C9orf78: variants seen among roughly 807,000 people sequenced by gnomAD.
The protein encoded by C9orf78 is chromosome 9 open reading frame 78.
Under a neutral mutation model 37.4 loss-of-function variants are expected in C9orf78, and 19 were observed. The ratio of observed to expected loss-of-function variants is 0.51; its 90% CI spans 0.35 to 0.74. The LOEUF (loss-of-function observed/expected upper bound fraction) is 0.74, where lower values mean the gene tolerates loss of function less well. Ranked by LOEUF, C9orf78 falls within the 30% of genes least tolerant of loss-of-function variation. The pLI, the probability that C9orf78 is intolerant of heterozygous loss-of-function variation, is 0.01. For missense variants in C9orf78, 291 were observed against 370.8 expected, an observed-to-expected ratio of 0.78 and a Z score of 1.77; for synonymous variants, 130 against 128.0, an observed-to-expected ratio of 1.02 and a Z score of -0.10.
At chr9:129,833,339 T>C (rs1428647208) in intron 4 of C9orf78, 108 bp downstream of exon 4, 1 of 704,038 alleles carries the variant, frequency 1.4e-6, no homozygotes, top group Non-Finnish European at 2.6e-6. Context: ...AAAACCTGCT[T>C]CAAGATGTCC....
At chr9:129,834,152 T>G (rs573289457) in intron 2 of C9orf78, 1 of 192,878 alleles carries the variant, frequency 5.2e-6, no homozygotes, top group African/African-American at 2.4e-5. Flanking sequence ...ATGCAGCCAT[T>G]AAGGCTTTCT....
intron 8 of C9orf78, chr9:129,828,770 A>G: frequency 3.6e-6 from 1 of 275,190 alleles, no homozygotes; most frequent in South Asian, 3.7e-5. Flanking sequence ...TCACTCTGTC[A>G]CGCAGGCTAG....
At chr9:129,833,558 C>T (rs769637446) in intron 3 of C9orf78, 41 bp from the exon 4 acceptor site, 8 of 1,511,334 alleles carry the variant, frequency 5.3e-6, no homozygotes, top group East Asian at 2.3e-5. Flanking sequence ...CATCTAAATA[C>T]ATGGTAGTGG....
Position 129,834,694 on chromosome 9 carries a change from G to A in C9orf78, c.143+13C>T, listed in dbSNP as rs762962586. On this transcript the variant is annotated intron_variant, in intron 2 of 8. Transcript: ENST00000372447. ...TCCCCGCCGCCTCCTCCTCCTCCCC[G>A]CGTGGTACCCACCTCACCCCGTTGG... 6.2e-7 allele frequency: 1 copy of A among 1,601,012 alleles called. No individual in the cohort carries two copies. Among genetic ancestry groups the A allele is most frequent in the Non-Finnish European group, 8.6e-7 (1 of 1,169,546 alleles).
In C9orf78 at chr9:129,835,261, G is replaced by A. The variant is rs775892516; in HGVS notation, c.-40C>T. The A allele has an allele frequency of 1.3e-6, 2 of 1,488,042 alleles. No homozygotes were observed. Among genetic ancestry groups the A allele is most frequent in the Non-Finnish European group, 1.9e-6 (2 of 1,080,200 alleles). The allele number at this position is 1,488,042 out of a possible 1,614,324, so 92.2% of individuals were successfully genotyped here. A position where few individuals can be genotyped will look rare whatever the true frequency, so the allele number is the denominator to read the frequency against. On this transcript the variant is annotated 5_prime_UTR_variant, in exon 1 of 9. Transcript: ENST00000372447. The stretch of plus-strand genomic sequence containing the variant: ...AGTTGTACAGCCGCCGCGCCTCTGC[G>A]CAGCGGCCCAGGCTGCTTCCGGCGC...
chr9:129,833,846 C>A, intron 2 of C9orf78, 137 bp from the exon 3 acceptor site: 1 of 653,006 alleles, frequency 1.5e-6, no homozygotes, highest in Non-Finnish European at 2.7e-6. Context: ...GGCAAGCCGG[C>A]TGGAAAAGCC....
chr9:129,829,043 T>C, intron 8 of C9orf78, 162 bp downstream of exon 8: 1 of 700,358 alleles, frequency 1.4e-6, no homozygotes, highest in South Asian at 1.5e-5. Flanking sequence ...AACTGAGGCT[T>C]AGAAAGGGGA....
Position 129,828,248 on chromosome 9 carries a change from G to C in C9orf78, c.783C>G (p.Ser261=). The C allele has an allele frequency of 6.3e-7, 1 of 1,590,860 alleles. No individual in the cohort carries two copies. Among genetic ancestry groups the C allele is most frequent in the Non-Finnish European group, 8.6e-7 (1 of 1,160,190 alleles). The change falls in exon 9 of 9, where the codon TCC becomes TCG. Residue 261 remains serine, a synonymous_variant. Coordinates refer to ENST00000372447, the MANE Select transcript of C9orf78 (RefSeq NM_016520.3). ...GDTEKPEPER[S]PPNRKRPANE... The stretch of plus-strand genomic sequence containing the variant: ...TAGCAGGACGCTTGCGGTTAGGAGG[G>C]GACCCTGAGAAGGAAAAGAACAGGA...
chr9:129,834,864 G>T, intron 1 of C9orf78, 98 bp from the exon 2 acceptor site: 2 of 957,454 alleles, frequency 2.1e-6, no homozygotes, highest in Non-Finnish European at 3.3e-6. Flanking sequence ...GGGCATCCCA[G>T]CCCAGCTACT....
Position 129,833,500 on chromosome 9 carries a change from C to T in C9orf78, c.213G>A (p.Met71Ile), listed in dbSNP as rs528540088. 1.8e-5 allele frequency: 29 copies of T among 1,604,006 alleles called. No homozygotes were observed. In the African/African-American group the frequency reaches 3.9e-4, roughly 21 times the overall value. Reference protein sequence around the residue: ...ETTLVDDPFQMKTGGMVDMKK... With the variant: ...ETTLVDDPFQIKTGGMVDMKK... Reference sequence around the variant, plus strand: ...TCATATCCACCATACCACCTGTCTTCATCTGAAAGGGATCATCCTGCAGAA... The same window carrying T: ...TCATATCCACCATACCACCTGTCTTTATCTGAAAGGGATCATCCTGCAGAA... Residue 71 changes from methionine (M) to isoleucine (I), a missense_variant, in exon 4 of 9, where the codon ATG becomes ATA. By Grantham distance (10) the Met-to-Ile change is conservative. This residue lies in a region of C9orf78 where 158 missense variants were observed against 174.8 expected (regional missense o/e 0.90). Transcript: ENST00000372447.
chr9:129,833,455 G>A lies in C9orf78; in HGVS notation c.258C>T (p.Gly86=), dbSNP rs774134556. The A allele has an allele frequency of 1.3e-5, 21 of 1,587,598 alleles. No individual in the cohort carries two copies. The highest frequency in any genetic ancestry group is 1.6e-5 in the Non-Finnish European group (18 of 1,156,010). ...MVDMKKLKER[G]KDKISEEEDL... ...GCTTGTCCTGAACTTACTTATCTTT[G>A]CCCCTTTCCTTCAGTTTCTTCATAT... The change falls in exon 4 of 9, where the codon GGC becomes GGT. Residue 86 remains glycine (G), a synonymous_variant. Transcript: ENST00000372447.
chr9:129,829,031 G>C, intron 8 of C9orf78, 174 bp downstream of exon 8: 1 of 694,136 alleles, frequency 1.4e-6, no homozygotes, highest in Non-Finnish European at 2.6e-6. Flanking sequence ...TTCCAATGAG[G>C]AAACTGAGGC....
chr9:129,829,515 G>A lies in C9orf78; in HGVS notation c.569C>T (p.Thr190Met), dbSNP rs759835798. 4 of 1,613,718 alleles carry A rather than the reference G, an allele frequency of 2.5e-6. No homozygotes were observed. The highest frequency in any genetic ancestry group is 2.2e-5 in the East Asian group (1 of 44,900). Reference sequence around the variant, plus strand: ...CAGCAGACGGGCCTTGGCATCCTCCGTGGAAATGATATTTTTTATTTTAGC... The same window carrying A: ...CAGCAGACGGGCCTTGGCATCCTCCATGGAAATGATATTTTTTATTTTAGC... The part of the protein sequence containing the change: ...IDAKIKNIIS[T>M]EDAKARLLAE... Residue 190 changes from threonine to methionine, a missense_variant, in exon 7 of 9, where the codon ACG becomes ATG. By Grantham distance (81) the Thr-to-Met change is moderately conservative. Coordinates refer to ENST00000372447, the MANE Select transcript of C9orf78 (RefSeq NM_016520.3).
rs371917470 is a variant in C9orf78 at position 129,835,225 on chromosome 9, G to A, written c.-4C>T. On this transcript the variant is annotated 5_prime_UTR_variant, in exon 1 of 9. Coordinates refer to ENST00000372447, the MANE Select transcript of C9orf78 (RefSeq NM_016520.3). ...AAATCTTCCGGACGACCGGCATGGT[G>A]ACAACGGCCGAGTTGTACAGCCGCC... 3.4e-4 allele frequency: 550 copies of A among 1,605,100 alleles called. 1 individual carries two copies. The highest frequency in any genetic ancestry group is 3.6e-4 in the Non-Finnish European group (429 of 1,176,640).
chr9:129,828,411 C>CTTTTTTTTTTTTTTT, intron 8 of C9orf78, 159 bp from the exon 9 acceptor site: 2 of 376,754 alleles, frequency 5.3e-6, no homozygotes, highest in Non-Finnish European at 9.9e-6. Flanking sequence ...ACGTATTTGT[C>CTTTTTTTTTTTTTTT]TTTTTTTTTT....
intron 4 of C9orf78, among the ~76,000 whole-genome samples, chr9:129,832,937 A>G (rs1450933831): frequency 6.6e-6 from 1 of 151,958 alleles, no homozygotes. Flanking sequence ...CTACAGGCAC[A>G]TGCCACCACA....
intron 6 of C9orf78, chr9:129,830,089 C>A (rs1460371782): frequency 6.6e-6 from 1 of 152,660 alleles, no homozygotes; most frequent in African/African-American, 2.4e-5. Flanking sequence ...CTAGCAACAA[C>A]CTGCCAGGGA....
chr9:129,834,780 A>C lies in C9orf78; in HGVS notation c.84-14T>G, dbSNP rs540092085. ...TCCAGTTTTAATCTTTAAAAAGAAG[A>C]AGAAGCAGCAATGCATAAGCTGAGT... On this transcript the variant is annotated splice_polypyrimidine_tract_variant and intron_variant, in intron 1 of 8. Coordinates refer to ENST00000372447, the MANE Select transcript of C9orf78 (RefSeq NM_016520.3). 6.0e-5 allele frequency: 96 copies of C among 1,596,854 alleles called. No individual in the cohort carries two copies. Among genetic ancestry groups the C allele is most frequent in the African/African-American group, 2.5e-4 (19 of 74,586 alleles).
intron 1 of C9orf78, 112 bp from the exon 2 acceptor site, chr9:129,834,878 C>A: frequency 1.2e-6 from 1 of 856,298 alleles, no homozygotes; most frequent in Non-Finnish European, 1.9e-6. Context: ...AGCTACTGAG[C>A]CACCAGCACA....
Sources: gnomAD v4.1 joint callset for allele counts (sites outside exome capture counted in the v4.1 genomes callset) on GRCh38, gnomAD v4.1.1 for gene constraint, gnomAD v4.1.1 regional missense constraint, MANE v1.5 for transcripts, NCBI Gene and HGNC (gene_info 2026-07-23, HGNC 2026-07-21) for gene names.